The following ALMS1 variants were observed in gnomAD, a reference collection of about 807,000 sequenced individuals.
ALMS1 encodes the protein ALMS1 centrosome and basal body associated protein.
Under a neutral mutation model 352.2 loss-of-function variants are expected in ALMS1, and 271 were observed. The ratio of observed to expected loss-of-function variants is 0.77; its 90% confidence interval spans 0.70 to 0.85. The LOEUF (loss-of-function observed/expected upper bound fraction) is 0.85, where lower values mean the gene tolerates loss of function less well. ALMS1 is among the 40% of genes least tolerant of loss of function. The pLI is 0.00. For synonymous variants in ALMS1, 1,865 were observed against 1,761.2 expected (o/e 1.06, Z -1.48); for missense variants, 5,445 against 4,870.7 (o/e 1.12, Z -3.51).
intron 13 of ALMS1, among the ~76,000 whole-genome samples, chr2:73,550,893 G>T (rs1280163573): frequency 6.6e-6 from 1 of 151,948 alleles, no homozygotes; most frequent in Non-Finnish European, 1.5e-5. Flanking sequence ...CCAGGCTGGA[G>T]TGCAGTGATG....
intron 6 of ALMS1, among the ~76,000 whole-genome samples, chr2:73,431,180 T>C (rs1572918932): frequency 6.6e-6 from 1 of 152,268 alleles, no homozygotes; most frequent in Non-Finnish European, 1.5e-5. Context: ...GCAAAAAATG[T>C]TTCCAGGCAT....
Position 73,520,106 on chromosome 2 carries a change from A to C in ALMS1, c.9781+90A>C, listed in dbSNP as rs994179318. ...TTGTGGTTGTGTCTTTCTAGTCAGA[A>C]AACCTAATTTTAATTTAAGAATTAG... On this transcript the variant is annotated intron_variant, in intron 11 of 22. Coordinates refer to ENST00000613296, the MANE Select transcript of ALMS1 (RefSeq NM_001378454.1). 39 of 1,540,222 alleles carry C rather than the reference A, an allele frequency of 2.5e-5. No homozygotes were observed. The Middle Eastern group carries it at 8.4e-4, about 33-fold the overall frequency.
At chr2:73,563,860 T>C (rs893006527) in intron 15 of ALMS1, among the ~76,000 whole-genome samples, 1 of 149,096 alleles carries the variant, frequency 6.7e-6, no homozygotes, top group African/African-American at 2.5e-5. Flanking sequence ...AGAAAAAAAA[T>C]AAAACAGACA....
intron 9 of ALMS1, among the ~76,000 whole-genome samples, chr2:73,471,630 T>C (rs757086479): frequency 6.6e-6 from 1 of 151,626 alleles, no homozygotes; most frequent in Non-Finnish European, 1.5e-5. Context: ...ATATCGCTAA[T>C]CATCAGGAAA....
intron 16 of ALMS1, among the ~76,000 whole-genome samples, chr2:73,590,685 T>TG (rs1238793331): frequency 7.0e-6 from 1 of 142,238 alleles, no homozygotes; most frequent in African/African-American, 2.6e-5. Flanking sequence ...TACTTTTTTT[T>TG]TTTTTTTTTT....
At chr2:73,510,033 C>G (rs1572984301) in intron 10 of ALMS1, among the ~76,000 whole-genome samples, 1 of 152,152 alleles carries the variant, frequency 6.6e-6, no homozygotes, top group African/African-American at 2.4e-5. Context: ...ATGTATGCTT[C>G]TCGAATTTCT....
intron 9 of ALMS1, chr2:73,470,006 C>G (rs1672435743): frequency 3.3e-5 from 5 of 151,820 alleles, no homozygotes; most frequent in African/African-American, 9.7e-5. Flanking sequence ...ACAAAAACCT[C>G]AGAAGACATA....
intron 10 of ALMS1, among the ~76,000 whole-genome samples, chr2:73,502,013 A>G (rs988944882): frequency 2.0e-5 from 3 of 152,092 alleles, no homozygotes; most frequent in Non-Finnish European, 4.4e-5. Flanking sequence ...AGTAGTTAAT[A>G]TACTATGGTA....
chr2:73,603,865 A>C (rs1186052096), intron 21 of ALMS1: 1 of 153,498 alleles, frequency 6.5e-6, no homozygotes, highest in Non-Finnish European at 1.4e-5. Flanking sequence ...ATCTCAAAAA[A>C]ATTAAAAAAA....
intron 6 of ALMS1, among the ~76,000 whole-genome samples, chr2:73,431,892 A>T (rs190225800): frequency 6.6e-6 from 1 of 152,322 alleles, no homozygotes; most frequent in East Asian, 1.9e-4. Context: ...GTAACAGAAC[A>T]CTTCTAAGCA....
chr2:73,391,398 A>G (rs1670642793), intron 1 of ALMS1, among the ~76,000 whole-genome samples: 1 of 143,792 alleles, frequency 7.0e-6, no homozygotes, highest in Admixed American at 7.3e-5. Flanking sequence ...AGTTCATGCC[A>G]TTCTCCTGCC....
chr2:73,422,029 A>G (rs1671294363), intron 3 of ALMS1, among the ~76,000 whole-genome samples: 1 of 152,118 alleles, frequency 6.6e-6, no homozygotes, highest in Admixed American at 6.6e-5. Flanking sequence ...ATTACTGACA[A>G]CTCCAAAGAG....
In ALMS1 at chr2:73,407,441, G is replaced by A. The variant is rs935834438; in HGVS notation, c.325-1181G>A. Among the ~76,000 whole-genome samples, 14 of 152,138 alleles carry A rather than the reference G, an allele frequency of 9.2e-5. 1 individual carries two copies. The highest frequency in any genetic ancestry group is 3.4e-4 in the African/African-American group (14 of 41,406). On this transcript the variant is annotated intron_variant, in intron 1 of 22. Coordinates refer to ENST00000613296, the MANE Select transcript of ALMS1 (RefSeq NM_001378454.1). ...TCAAATCATAGCATGTAGATTTATA[G>A]TTAATTTTTATGCTTTTGTCTTTTA...
At chr2:73,499,917 C>T (rs34340391) in intron 10 of ALMS1, among the ~76,000 whole-genome samples, 1 of 152,302 alleles carries the variant, frequency 6.6e-6, no homozygotes, top group African/African-American at 2.4e-5. Flanking sequence ...GGGCTCTCCC[C>T]TTACACTTCT....
intron 10 of ALMS1, among the ~76,000 whole-genome samples, chr2:73,499,089 A>T (rs1000803307): frequency 1.3e-5 from 2 of 151,996 alleles, no homozygotes; most frequent in Non-Finnish European, 2.9e-5. Flanking sequence ...CCTTTTCTCC[A>T]CGTCTTCACC....
chr2:73,455,368 G>A (rs1006463706), intron 9 of ALMS1, 73 bp downstream of exon 9: 6 of 1,585,456 alleles, frequency 3.8e-6, no homozygotes, highest in South Asian at 3.4e-5. Flanking sequence ...CTCTTACTTG[G>A]GCATCAGTTG....
At chr2:73,548,697 C>T (rs1443068093) in intron 12 of ALMS1, among the ~76,000 whole-genome samples, 4 of 152,140 alleles carry the variant, frequency 2.6e-5, no homozygotes, top group Non-Finnish European at 4.4e-5. Flanking sequence ...TTTCTAATTT[C>T]CATAAAAGTG....
chr2:73,447,917 A>T (rs1250359137), intron 7 of ALMS1, 43 bp from the exon 8 acceptor site: 1 of 1,534,150 alleles, frequency 6.5e-7, no homozygotes, highest in Non-Finnish European at 8.7e-7. Context: ...GAATTTTAAA[A>T]TAGAAAATTT....
intron 1 of ALMS1, among the ~76,000 whole-genome samples, chr2:73,402,102 GC>G (rs1277805339): frequency 6.6e-6 from 1 of 151,816 alleles, no homozygotes; most frequent in African/African-American, 2.4e-5. Context: ...ATCAATGGAT[GC>G]TGTAGTTGTG....
Sources: allele counts gnomAD v4.1 joint callset (sites outside exome capture counted in the v4.1 genomes callset), GRCh38; gene constraint gnomAD v4.1.1; transcripts MANE v1.5; gene names NCBI Gene and HGNC (gene_info 2026-07-23, HGNC 2026-07-21).